Variants in PCDHGA9 observed in about 807,000 individuals in gnomAD.
PCDHGA9 encodes protocadherin gamma-A9.
PCDHGA9 carries 37 observed loss-of-function variants against 62.5 expected under a neutral mutation model. That is an observed-to-expected ratio of 0.59 (90% CI 0.46 to 0.78). The LOEUF is 0.78. Among genes scored for constraint, PCDHGA9 ranks in the 30% least tolerant of loss-of-function variants. PCDHGA9 has a pLI of 0.00. For missense variants in PCDHGA9, 1,138 were observed against 1,166.2 expected (o/e 0.98, Z 0.35); for synonymous variants, 459 against 484.6 (o/e 0.95, Z 0.69).
chr5:141,474,019 A>G (rs923131322), intron 1 of PCDHGA9, among the ~76,000 whole-genome samples: 4 of 152,134 alleles, frequency 2.6e-5, no homozygotes, highest in Non-Finnish European at 4.4e-5. Flanking sequence ...ACAGTGAGCT[A>G]TGATTATTCC....
In PCDHGA9 at chr5:141,423,110, G is replaced by A. The variant is rs62621243; in HGVS notation, c.2424+17734G>A. On this transcript the variant is annotated intron_variant, in intron 1 of 3. Coordinates refer to ENST00000573521, the MANE Select transcript of PCDHGA9 (RefSeq NM_018921.3). ...GTGGGGGAGCACACGGGCGAGGTGC[G>A]TACAGCGCGGGCACTGCTGGACAGA... The A allele has an allele frequency of 0.016, 25,324 of 1,613,842 alleles. 257 individuals carry two copies. Among genetic ancestry groups the A allele is most frequent in the Non-Finnish European group, 0.019 (22,060 of 1,179,980 alleles).
Position 141,476,116 on chromosome 5 carries a change from G to C in PCDHGA9, c.2425-18691G>C, listed in dbSNP as rs367958555. On this transcript the variant is annotated intron_variant, in intron 1 of 3. Transcript: ENST00000573521. The surrounding 1 kb of genome is among the most constrained non-coding windows in gnomAD (Gnocchi z 7.6). ...GCTGAGAGGAACTGCTTTTGAGTGA[G>C]ATGGTCCCAGAGGCCTGGAGGAGCG... 504 of 1,593,954 alleles carry C rather than the reference G, an allele frequency of 3.2e-4. No individual in the cohort carries two copies. Among genetic ancestry groups the C allele is most frequent in the Non-Finnish European group, 4.1e-4 (479 of 1,172,292 alleles).
Position 141,494,830 on chromosome 5 carries a change from G to C in PCDHGA9, c.2448G>C (p.Trp816Cys), listed in dbSNP as rs2099757104. Residue 816 changes from tryptophan (W) to cysteine (C), a missense_variant, in exon 2 of 4, where the codon TGG (tryptophan) becomes TGC (cysteine). Coordinates refer to ENST00000573521, the MANE Select transcript of PCDHGA9 (RefSeq NM_018921.3). ...AGCAAGCCCCGCCCAACACGGACTG[G>C]CGTTTCTCTCAGGCCCAGAGACCCG... The part of the protein sequence containing the change: ...LVPQAPPNTD[W>C]RFSQAQRPGT... 6.2e-7 allele frequency: 1 copy of C among 1,614,098 alleles called. No homozygotes were observed. The highest frequency in any genetic ancestry group is 2.2e-5 in the East Asian group (1 of 44,862).
At chr5:141,500,260 C>G (rs2099798502) in intron 2 of PCDHGA9, among the ~76,000 whole-genome samples, 3 of 151,104 alleles carry the variant, frequency 2.0e-5, no homozygotes, top group African/African-American at 2.4e-5. Flanking sequence ...CCAGGCTGGA[C>G]TGCAGTGGCG....
At chr5:141,427,153 T>C (rs2096993361) in intron 1 of PCDHGA9, 1 of 456,886 alleles carries the variant, frequency 2.2e-6, no homozygotes, top group Non-Finnish European at 4.4e-6. Context: ...GGAAATATGT[T>C]TGTGCTAGAC....
At chr5:141,420,494 C>T (rs978136090) in intron 1 of PCDHGA9, 6 of 499,392 alleles carry the variant, frequency 1.2e-5, no homozygotes, top group African/African-American at 2.0e-5. Flanking sequence ...GGGTAATCTC[C>T]GGTGACATTT....
chr5:141,436,207 A>T (rs544201723), intron 1 of PCDHGA9, among the ~76,000 whole-genome samples: 1 of 152,142 alleles, frequency 6.6e-6, no homozygotes, highest in Admixed American at 6.5e-5. Context: ...ACATAATAGG[A>T]AAACAAATGA....
chr5:141,469,992 G>T (rs894673835), intron 1 of PCDHGA9, among the ~76,000 whole-genome samples: 2 of 152,056 alleles, frequency 1.3e-5, no homozygotes, highest in Non-Finnish European at 2.9e-5. Context: ...TTAGCTGGTC[G>T]TCGTGGCACG....
Position 141,437,485 on chromosome 5 carries a change from C to T in PCDHGA9, c.2424+32109C>T, listed in dbSNP as rs372023505. The stretch of plus-strand genomic sequence containing the variant: ...TATACTTTTATAGCATATTTAATCT[C>T]GTAGATCACTTTTCAATGAATTATA... On this transcript the variant is annotated intron_variant, in intron 1 of 3. Transcript: ENST00000573521. Among the ~76,000 whole-genome samples, 16 of 152,188 alleles carry T rather than the reference C, an allele frequency of 1.1e-4. No individual in the cohort carries two copies. In the East Asian group the frequency reaches 2.9e-3, roughly 28 times the overall value.
At position 141,499,506 on chromosome 5, in the gene PCDHGA9, CA is replaced by C. The variant is rs759983739; in HGVS notation, c.2483+4644del. Among the ~76,000 whole-genome samples, 6 of 152,086 alleles carry C rather than the reference CA, an allele frequency of 3.9e-5. No homozygotes were observed. The South Asian group carries it at 1.0e-3, about 26-fold the overall frequency. On this transcript the variant is annotated intron_variant, in intron 2 of 3. Coordinates refer to ENST00000573521, the MANE Select transcript of PCDHGA9 (RefSeq NM_018921.3). Reference sequence around the variant, plus strand: ...AACTACAGTTTAATATGAAACATTTCAAATATGTACAAAAGTAGAGAGAATG... The same window carrying C: ...AACTACAGTTTAATATGAAACATTTCAATATGTACAAAAGTAGAGAGAATG...
At position 141,511,187 on chromosome 5, in the gene PCDHGA9, C is replaced by T; in HGVS notation, c.*14C>T. The stretch of plus-strand genomic sequence containing the variant: ...GAGAAGAAGTAACATGGAGGCCAGG[C>T]CAAGAGCCACAGGGCGGCCTCTCCC... On this transcript the variant is annotated 3_prime_UTR_variant, in exon 4 of 4. Transcript: ENST00000573521. The T allele has an allele frequency of 1.2e-6, 2 of 1,613,868 alleles. No homozygotes were observed. The highest frequency in any genetic ancestry group is 1.7e-6 in the Non-Finnish European group (2 of 1,179,878).
chr5:141,459,687 G>A (rs191874235), intron 1 of PCDHGA9, among the ~76,000 whole-genome samples: 15 of 152,278 alleles, frequency 9.9e-5, no homozygotes, highest in Admixed American at 2.0e-4. Context: ...TGCATAAAGC[G>A]TTCCGCTTGC....
intron 1 of PCDHGA9, chr5:141,441,694 G>A (rs1443778772): frequency 2.3e-5 from 7 of 301,140 alleles, no homozygotes; most frequent in Non-Finnish European, 2.6e-5. Context: ...GAGCAGCCGC[G>A]AGCCTTCAAG....
chr5:141,415,740 G>GTTTT lies in PCDHGA9; in HGVS notation c.2424+10393_2424+10396dup, dbSNP rs57426385. ...TGAGTAGAATTTGATGTTTATTAAG[G>GTTTT]TTTTTTTTTTTTTTTTTTTTTTTTT... On this transcript the variant is annotated intron_variant, in intron 1 of 3. Transcript: ENST00000573521. 3.9e-3 allele frequency: 2,454 copies of GTTTT among 623,032 alleles called. 15 individuals carry two copies. Among genetic ancestry groups the GTTTT allele is most frequent in the South Asian group, 7.6e-3 (262 of 34,698 alleles). 38.6% of individuals were successfully genotyped at this position (623,032 alleles called of 1,614,324 possible).
In PCDHGA9 at chr5:141,489,705, C is replaced by G; in HGVS notation, c.2425-5102C>G. The G allele has an allele frequency of 6.2e-7, 1 of 1,614,022 alleles. No homozygotes were observed. The highest frequency in any genetic ancestry group is 1.1e-5 in the South Asian group (1 of 91,074). ...CATCTGGGGCACGATTCCCACTGGA[C>G]AGTGCCCAGGATCCGGATGTGGGCA... On this transcript the variant is annotated intron_variant, in intron 1 of 3. Coordinates refer to ENST00000573521, the MANE Select transcript of PCDHGA9 (RefSeq NM_018921.3). The surrounding 1 kb of genome is among the most constrained non-coding windows in gnomAD (Gnocchi z 4.5).
chr5:141,418,247 G>A, intron 1 of PCDHGA9: 1 of 1,614,032 alleles, frequency 6.2e-7, no homozygotes, highest in Non-Finnish European at 8.5e-7. Context: ...TAATGACCAC[G>A]CCCCTCAATT....
At chr5:141,421,513 C>T (rs368199651) in intron 1 of PCDHGA9, 14 of 1,613,960 alleles carry the variant, frequency 8.7e-6, no homozygotes, top group Non-Finnish European at 1.1e-5. Context: ...CCGGGAGGAG[C>T]TCTGTGAGAC....
Position 141,493,359 on chromosome 5 carries a change from G to A in PCDHGA9, c.2425-1448G>A, listed in dbSNP as rs956980110. Among the ~76,000 whole-genome samples the A allele has an allele frequency of 2.6e-5, 4 of 152,148 alleles. No homozygotes were observed. The highest frequency in any genetic ancestry group is 9.7e-5 in the African/African-American group (4 of 41,418). ...CCAGAATGTGTGCTTTTAATTTCTT[G>A]GCACTTGGAACTTTAAAAGCTTGAG... On this transcript the variant is annotated intron_variant, in intron 1 of 3. Transcript: ENST00000573521. This position sits in a 1 kb window ranked among gnomAD's most constrained non-coding sequence, Gnocchi z 4.3.
At chr5:141,462,984 T>G (rs1349170605) in intron 1 of PCDHGA9, among the ~76,000 whole-genome samples, 1 of 152,156 alleles carries the variant, frequency 6.6e-6, no homozygotes, top group African/African-American at 2.4e-5. Context: ...ACTTTTGCCT[T>G]GGGCTAATTT....
Sources: allele counts gnomAD v4.1 joint callset (sites outside exome capture counted in the v4.1 genomes callset), GRCh38; gene constraint gnomAD v4.1.1; non-coding constraint Gnocchi (gnomAD v3.1); transcripts MANE v1.5; gene names NCBI Gene and HGNC (gene_info 2026-07-23, HGNC 2026-07-21).